Variants in KAT6A observed in about 807,000 individuals in gnomAD.
KAT6A encodes lysine acetyltransferase 6A.
Under a neutral mutation model 198.4 loss-of-function variants are expected in KAT6A, and 9 were observed. The observed-to-expected ratio is 0.05, with a 90% CI of 0.03 to 0.08. The LOEUF (loss-of-function observed/expected upper bound fraction) is 0.08. Among genes scored for constraint, KAT6A ranks in the 10% least tolerant of loss-of-function variants. KAT6A has a pLI of 1.00. For synonymous variants in KAT6A, 890 were observed against 883.0 expected, an observed-to-expected ratio of 1.01 and a Z score of -0.14; for missense variants, 2,077 against 2,509.9, an observed-to-expected ratio of 0.83 and a Z score of 3.69.
Position 41,997,046 on chromosome 8 carries a change from T to C in KAT6A, c.601-9483A>G, listed in dbSNP as rs772786383. Among the ~76,000 whole-genome samples, 63 of 152,162 alleles carry C rather than the reference T, an allele frequency of 4.1e-4. 1 individual carries two copies. The highest frequency in any genetic ancestry group is 7.4e-5 in the Non-Finnish European group (5 of 68,022). On this transcript the variant is annotated intron_variant, in intron 2 of 16. Coordinates refer to ENST00000265713, the MANE Select transcript of KAT6A (RefSeq NM_006766.5). The stretch of plus-strand genomic sequence containing the variant: ...GGAAGTGGAGAATGGGAAGTTATTG[T>C]TTAATGGATACAGAGTCTGTTTGAG...
chr8:42,000,857 TCAAACGGTG>T (rs1489004606), intron 2 of KAT6A, among the ~76,000 whole-genome samples: 1 of 152,162 alleles, frequency 6.6e-6, no homozygotes, highest in Non-Finnish European at 1.5e-5. Flanking sequence ...AAAATCACTG[TCAAACGGTG>T]CACATGACTA....
chr8:41,947,272 G>A (rs371500655), intron 11 of KAT6A, among the ~76,000 whole-genome samples: 1 of 152,268 alleles, frequency 6.6e-6, no homozygotes, highest in African/African-American at 2.4e-5. Context: ...TTTTACCACA[G>A]GCTTGCTTAA....
At chr8:41,956,236 G>A (rs554372004) in intron 8 of KAT6A, among the ~76,000 whole-genome samples, 7 of 152,288 alleles carry the variant, frequency 4.6e-5, no homozygotes, top group Non-Finnish European at 1.0e-4. Flanking sequence ...AGGGCAACAT[G>A]ACTTGCTCTG....
chr8:42,045,948 G>A (rs1382553088), intron 2 of KAT6A, among the ~76,000 whole-genome samples: 1 of 151,930 alleles, frequency 6.6e-6, no homozygotes, highest in Admixed American at 6.6e-5. Flanking sequence ...TCACACCACT[G>A]CACTCCAGTC....
intron 2 of KAT6A, among the ~76,000 whole-genome samples, chr8:42,010,558 C>G (rs186436617): frequency 6.6e-6 from 1 of 152,124 alleles, no homozygotes. Context: ...GTAGGCAAGT[C>G]TCTTCACGAT....
chr8:42,033,198 A>G (rs1260088256), intron 2 of KAT6A, among the ~76,000 whole-genome samples: 1 of 152,158 alleles, frequency 6.6e-6, no homozygotes, highest in Non-Finnish European at 1.5e-5. Context: ...TTACTCAATA[A>G]GAGTAATGTG....
At chr8:41,953,790 C>T (rs1257789058) in intron 9 of KAT6A, among the ~76,000 whole-genome samples, 1 of 152,168 alleles carries the variant, frequency 6.6e-6, no homozygotes, top group African/African-American at 2.4e-5. Flanking sequence ...CATAAAAGAT[C>T]TTGGCTATTC....
At chr8:41,974,919 T>C (rs1823973750) in intron 7 of KAT6A, 97 bp from the exon 8 acceptor site, 1 of 675,074 alleles carries the variant, frequency 1.5e-6, no homozygotes, top group Admixed American at 2.6e-5. Flanking sequence ...AAGAACTTAA[T>C]ATATAACGAA....
chr8:41,976,034 TG>T (rs1204381497), intron 7 of KAT6A, among the ~76,000 whole-genome samples: 1 of 152,226 alleles, frequency 6.6e-6, no homozygotes, highest in African/African-American at 2.4e-5. Context: ...AGTAATTAGT[TG>T]ATCATCACTA....
chr8:41,949,392 A>G, intron 9 of KAT6A, 29 bp from the exon 10 acceptor site: 11 of 1,447,346 alleles, frequency 7.6e-6, no homozygotes, highest in Non-Finnish European at 8.2e-6. Flanking sequence ...CAAAAAAGAC[A>G]GGGCTTTATA....
At chr8:41,963,759 C>T (rs1174842401) in intron 8 of KAT6A, among the ~76,000 whole-genome samples, 1 of 152,168 alleles carries the variant, frequency 6.6e-6, no homozygotes, top group East Asian at 1.9e-4. Flanking sequence ...TACTACTTAA[C>T]TACTTTAAAG....
intron 1 of KAT6A, among the ~76,000 whole-genome samples, chr8:42,049,963 A>G (rs1020896778): frequency 1.8e-4 from 27 of 152,260 alleles, no homozygotes; most frequent in African/African-American, 6.5e-4. Context: ...ACTTTCATTC[A>G]AATTTTAAGA....
chr8:41,930,280 AAT>A lies in KAT6A; in HGVS notation c.*1923_*1924del, dbSNP rs1333438907. On this transcript the variant is annotated 3_prime_UTR_variant, in exon 17 of 17. Transcript: ENST00000265713. Reference sequence around the variant, plus strand: ...CCCGTCCCCACCCCAACCAGGAAGCAATGACACAGCTGAAGATGTAGGGCGAT... The same window carrying A: ...CCCGTCCCCACCCCAACCAGGAAGCAGACACAGCTGAAGATGTAGGGCGAT... 1 of 170,788 alleles carries A rather than the reference AAT, an allele frequency of 5.9e-6. No individual in the cohort carries two copies. Among genetic ancestry groups the A allele is most frequent in the Non-Finnish European group, 1.2e-5 (1 of 85,264 alleles). 10.6% of individuals were successfully genotyped at this position (170,788 alleles called of 1,614,324 possible).
chr8:41,929,918 G>GT lies in KAT6A; in HGVS notation c.*2286dup, dbSNP rs1821439993. On this transcript the variant is annotated 3_prime_UTR_variant, in exon 17 of 17. Coordinates refer to ENST00000265713, the MANE Select transcript of KAT6A (RefSeq NM_006766.5). ...TTAAAAGGCATCAAAGTCACTAACAGTGAGTTTTTAAATTTCTTTTTTAGA... is the reference window on the plus strand; with the variant it reads ...TTAAAAGGCATCAAAGTCACTAACAGTTGAGTTTTTAAATTTCTTTTTTAGA... 1 of 215,218 alleles carries GT rather than the reference G, an allele frequency of 4.6e-6. No homozygotes were observed. Among genetic ancestry groups the GT allele is most frequent in the Non-Finnish European group, 9.4e-6 (1 of 106,714 alleles). The allele number at this position is 215,218 out of a possible 1,614,324, so 13.3% of individuals were successfully genotyped here. A position where few individuals can be genotyped will look rare whatever the true frequency, so the allele number is the denominator to read the frequency against.
intron 3 of KAT6A, among the ~76,000 whole-genome samples, chr8:41,986,875 T>TA (rs1824636498): frequency 6.6e-6 from 1 of 151,972 alleles, no homozygotes; most frequent in South Asian, 2.1e-4. Flanking sequence ...TTGTCTCTAC[T>TA]AAAAATATAA....
chr8:41,970,963 A>G (rs1216646104), intron 8 of KAT6A, among the ~76,000 whole-genome samples: 1 of 152,112 alleles, frequency 6.6e-6, no homozygotes, highest in Non-Finnish European at 1.5e-5. Flanking sequence ...TCAGCAAATT[A>G]TTGTAAGGAC....
Position 42,049,230 on chromosome 8 carries a change from C to G in KAT6A, c.-253G>C. On this transcript the variant is annotated 5_prime_UTR_variant, in exon 2 of 17. Coordinates refer to ENST00000265713, the MANE Select transcript of KAT6A (RefSeq NM_006766.5). ...TTTCTCAATAGCACCACACATGGGT[C>G]TCGTCATAAAGTTGTAAGAACTCAA... The G allele has an allele frequency of 2.2e-6, 1 of 445,342 alleles. No homozygotes were observed. The highest frequency in any genetic ancestry group is 4.0e-6 in the Non-Finnish European group (1 of 252,320). 27.6% of individuals were successfully genotyped at this position (445,342 alleles called of 1,614,324 possible).
rs1362820866 is a variant in KAT6A at position 41,981,901 on chromosome 8, A to G, written c.763T>C (p.Leu255=). Residue 255 remains leucine (L), a synonymous_variant, in exon 4 of 17, where the codon TTA becomes CTA. Transcript: ENST00000265713. ...SPELTVRVKA[L]RWQCIECKTC... is the part of the protein sequence containing the mutation. Reference sequence around the variant, plus strand: ...TTACACTCGATGCACTGCCACCGTAAGGCCTTCACTCGAACCGTTAGTTCA... The same window carrying G: ...TTACACTCGATGCACTGCCACCGTAGGGCCTTCACTCGAACCGTTAGTTCA... The G allele has an allele frequency of 1.2e-6, 2 of 1,614,142 alleles. No individual in the cohort carries two copies. The highest frequency in any genetic ancestry group is 2.2e-5 in the South Asian group (2 of 91,070).
rs1399366648 is a variant in KAT6A at position 41,932,471 on chromosome 8, T to C, written c.5749A>G (p.Asn1917Asp). 5 of 1,614,104 alleles carry C rather than the reference T, an allele frequency of 3.1e-6. No homozygotes were observed. The Admixed American group carries it at 8.3e-5, about 27-fold the overall frequency. Residue 1917 changes from asparagine to aspartate, a missense_variant, in exon 17 of 17, where the codon AAC (asparagine) becomes GAC (aspartate). Physicochemically the swap from Asn to Asp is conservative, Grantham distance 23. This residue lies in a region of KAT6A where 500 missense variants were observed against 577.2 expected (regional missense o/e 0.87). Transcript: ENST00000265713. ...PAYNVNSMNM[N>D]TLNAMNSYRM... is the part of the protein sequence containing the mutation. ...TAGCTGTTCATGGCATTCAAGGTGT[T>C]CATATTCATGGAATTGACATTATAG...
Sources: allele counts gnomAD v4.1 joint callset (sites outside exome capture counted in the v4.1 genomes callset), GRCh38; gene constraint gnomAD v4.1.1; regional missense constraint gnomAD v4.1.1; transcripts MANE v1.5; gene names NCBI Gene and HGNC (gene_info 2026-07-23, HGNC 2026-07-21).